The following DLEC1 variants were observed in gnomAD, a reference collection of about 807,000 sequenced individuals.
DLEC1 encodes DLEC1 cilia and flagella associated protein.
A neutral mutation model predicts 198.1 loss-of-function variants in DLEC1; 146 were observed. That is an observed-to-expected ratio of 0.74 (90% confidence interval 0.64 to 0.85). The LOEUF is 0.85. DLEC1 is among the 40% of genes least tolerant of loss of function. The pLI, the probability that DLEC1 is intolerant of heterozygous loss-of-function variation, is 0.00. For missense variants in DLEC1, 2,233 were observed against 2,220.0 expected (o/e 1.01, Z -0.12); for synonymous variants, 897 against 866.8 (o/e 1.03, Z -0.61).
At chr3:38,062,042 G>A in intron 3 of DLEC1, 127 bp from the exon 4 acceptor site, 1 of 875,716 alleles carries the variant, frequency 1.1e-6, no homozygotes, top group Non-Finnish European at 1.8e-6. Flanking sequence ...TAGCTGGTGT[G>A]GTAAATATGA....
In DLEC1 at chr3:38,097,829, G is replaced by C. The variant is rs199518243; in HGVS notation, c.2651G>C (p.Arg884Pro). Residue 884 changes from arginine to proline, a missense_variant, in exon 18 of 37, where the codon CGG becomes CCG. Arg to Pro is a moderately radical substitution (Grantham distance 103). Transcript: ENST00000308059. Reference protein sequence around the residue: ...GQKATNSIQIRNVSQLPATWR... With the variant: ...GQKATNSIQIPNVSQLPATWR... ...AAAGCCACAAACTCCATCCAGATCC[G>C]GAACGTCAGCCAGCTCCCAGCCACA... is the stretch of plus-strand genomic sequence containing the variant. The C allele has an allele frequency of 8.1e-6, 13 of 1,614,076 alleles. No individual in the cohort carries two copies. Among genetic ancestry groups the C allele is most frequent in the Non-Finnish European group, 1.1e-5 (13 of 1,180,050 alleles).
rs185052636 is a variant in DLEC1 at position 38,109,176 on chromosome 3, C to A, written c.3130-256C>A. Among the ~76,000 whole-genome samples, 588 of 152,322 alleles carry A rather than the reference C, an allele frequency of 3.9e-3. 4 individuals are homozygous for A. Among genetic ancestry groups the A allele is most frequent in the African/African-American group, 0.014 (564 of 41,580 alleles). Reference sequence around the variant, plus strand: ...GGAAGTGCGCAGCTTCTCCAGAGGCCCTCTCTGAGGGGTCTCCCTTCACGT... The same window carrying A: ...GGAAGTGCGCAGCTTCTCCAGAGGCACTCTCTGAGGGGTCTCCCTTCACGT... On this transcript the variant is annotated intron_variant, in intron 21 of 36. Coordinates refer to ENST00000308059, the MANE Select transcript of DLEC1 (RefSeq NM_007335.4).
intron 2 of DLEC1, among the ~76,000 whole-genome samples, chr3:38,058,235 A>G (rs546152369): frequency 3.9e-5 from 6 of 152,262 alleles, no homozygotes; most frequent in South Asian, 4.1e-4. Flanking sequence ...AAACACTCCC[A>G]TATCTTCTTG....
chr3:38,045,721 G>T (rs1700858419), intron 2 of DLEC1, 28 bp downstream of exon 2: 2 of 1,581,936 alleles, frequency 1.3e-6, no homozygotes, highest in East Asian at 4.5e-5. Context: ...CCACATGCCT[G>T]CCCAATTCCC....
rs1393682449 is a variant in DLEC1, at chr3:38,122,340, G to T, written c.5196G>T (p.Glu1732Asp). Residue 1732 changes from glutamate (E) to aspartate (D), a missense_variant, in exon 37 of 37, where the codon GAG becomes GAT. Physicochemically the swap from Glu to Asp is conservative, Grantham distance 45. Coordinates refer to ENST00000308059, the MANE Select transcript of DLEC1 (RefSeq NM_007335.4). ...STMVVEGVLG[E>D]KSCTLRLRGQ... is the part of the protein sequence containing the mutation. The stretch of plus-strand genomic sequence containing the variant: ...TGGTGGTGGAAGGTGTGCTCGGTGA[G>T]AAGTCCTGCACCCTGCGGCTCCGGG... 7 of 1,614,126 alleles carry T rather than the reference G, an allele frequency of 4.3e-6. No individual in the cohort carries two copies. In the East Asian group the frequency reaches 1.3e-4, roughly 31 times the overall value.
rs140000347 is a variant in DLEC1 at position 38,096,359 on chromosome 3, G to A, written c.2172-210G>A. Among the ~76,000 whole-genome samples the A allele has an allele frequency of 4.1e-3, 631 of 152,312 alleles. 2 individuals carry two copies. Among genetic ancestry groups the A allele is most frequent in the Non-Finnish European group, 6.2e-3 (423 of 68,026 alleles). On this transcript the variant is annotated intron_variant, in intron 14 of 36. Transcript: ENST00000308059. ...CCTGGAGGCAGCAGGGCAATGCCCCGTCCCAGTCCTTATGCTAAACCACTG... is the reference window on the plus strand; with the variant it reads ...CCTGGAGGCAGCAGGGCAATGCCCCATCCCAGTCCTTATGCTAAACCACTG...
chr3:38,096,468 G>GT (rs1185553750), intron 14 of DLEC1, 101 bp from the exon 15 acceptor site: 38,577 of 1,112,944 alleles, frequency 0.035, no homozygotes, highest in Non-Finnish European at 0.038. Flanking sequence ...GTTAGGCAGT[G>GT]TTTTTTTTTT....
chr3:38,106,882 T>G (rs1420584839), intron 19 of DLEC1, among the ~76,000 whole-genome samples: 2 of 151,966 alleles, frequency 1.3e-5, no homozygotes, highest in Non-Finnish European at 2.9e-5. Context: ...ACAAAATACC[T>G]TCAGCCGTTC....
intron 9 of DLEC1, among the ~76,000 whole-genome samples, chr3:38,087,248 C>G (rs185189112): frequency 1.8e-4 from 27 of 152,104 alleles, no homozygotes; most frequent in African/African-American, 6.3e-4. Flanking sequence ...CAAGAGCATC[C>G]CAGCACTGAC....
Position 38,092,774 on chromosome 3 carries a change from C to T in DLEC1, c.1666-16C>T, listed in dbSNP as rs1698807520. ...CCTTTAATGGGAGGTAACGGAACAA[C>T]CCTTCTCTCCCCCAGGTCTTGTTTT... On this transcript the variant is annotated splice_polypyrimidine_tract_variant and intron_variant, in intron 10 of 36. Coordinates refer to ENST00000308059, the MANE Select transcript of DLEC1 (RefSeq NM_007335.4). 1.2e-6 allele frequency: 2 copies of T among 1,613,058 alleles called. No individual in the cohort carries two copies. Among genetic ancestry groups the T allele is most frequent in the Admixed American group, 1.7e-5 (1 of 59,984 alleles).
intron 6 of DLEC1, among the ~76,000 whole-genome samples, chr3:38,067,042 T>C (rs1697065774): frequency 6.6e-6 from 1 of 152,218 alleles, no homozygotes. Context: ...TCTTCAGGGC[T>C]TTCAGATGCC....
intron 9 of DLEC1, among the ~76,000 whole-genome samples, chr3:38,086,637 G>A (rs1302866148): frequency 6.6e-6 from 1 of 152,190 alleles, no homozygotes; most frequent in Non-Finnish European, 1.5e-5. Flanking sequence ...TGGCTCAAAT[G>A]TGACTGCATT....
intron 9 of DLEC1, 40 bp downstream of exon 9, chr3:38,086,417 C>G: frequency 6.4e-7 from 1 of 1,572,462 alleles, no homozygotes; most frequent in Non-Finnish European, 8.6e-7. Flanking sequence ...AATTACAAGT[C>G]CATCAAAGGA....
At chr3:38,075,907 G>A (rs1416445308) in intron 6 of DLEC1, among the ~76,000 whole-genome samples, 3 of 152,110 alleles carry the variant, frequency 2.0e-5, no homozygotes, top group Admixed American at 2.0e-4. Context: ...CCCTAGAAAA[G>A]CGGGACTTGC....
chr3:38,079,808 G>A (rs978911795), intron 6 of DLEC1, among the ~76,000 whole-genome samples: 14 of 152,314 alleles, frequency 9.2e-5, no homozygotes, highest in African/African-American at 3.1e-4. Context: ...GGAAGTTCTC[G>A]TGTGCTGGAG....
chr3:38,073,523 G>A (rs1369497694), intron 6 of DLEC1, among the ~76,000 whole-genome samples: 1 of 152,116 alleles, frequency 6.6e-6, no homozygotes, highest in Non-Finnish European at 1.5e-5. Context: ...AAGGTGGGGG[G>A]ATACGAGAGG....
chr3:38,122,117 A>G lies in DLEC1; in HGVS notation c.5067A>G (p.Pro1689=). The change falls in exon 36 of 37, where the codon CCA becomes CCG. Residue 1689 remains proline, a synonymous_variant. Coordinates refer to ENST00000308059, the MANE Select transcript of DLEC1 (RefSeq NM_007335.4). ...AKAAVAFRVS[P]NSGLLEARSA... Reference sequence around the variant, plus strand: ...CCGCTGTGGCCTTCAGGGTCTCCCCAAACAGTGGGCTGCTAGAAGCACGAT... The same window carrying G: ...CCGCTGTGGCCTTCAGGGTCTCCCCGAACAGTGGGCTGCTAGAAGCACGAT... 6.2e-7 allele frequency: 1 copy of G among 1,614,118 alleles called. No individual in the cohort carries two copies. The highest frequency in any genetic ancestry group is 8.5e-7 in the Non-Finnish European group (1 of 1,179,976).
intron 2 of DLEC1, among the ~76,000 whole-genome samples, chr3:38,058,000 A>G (rs1204226462): frequency 6.6e-6 from 1 of 151,946 alleles, no homozygotes; most frequent in Non-Finnish European, 1.5e-5. Context: ...TATTTTCAGT[A>G]GAGACGGGGT....
chr3:38,110,091 G>A lies in DLEC1; in HGVS notation c.3261-8G>A. On this transcript the variant is annotated splice_region_variant and splice_polypyrimidine_tract_variant and intron_variant, in intron 22 of 36. Coordinates refer to ENST00000308059, the MANE Select transcript of DLEC1 (RefSeq NM_007335.4). ...ATAGTACCAATGGGCACAGGACAGT[G>A]TTTTCAGCACAGAGCAGTGGCCAGG... 2 of 1,613,552 alleles carry A rather than the reference G, an allele frequency of 1.2e-6. No homozygotes were observed. The highest frequency in any genetic ancestry group is 1.7e-6 in the Non-Finnish European group (2 of 1,180,010).
Sources: gnomAD v4.1 joint callset for allele counts (sites outside exome capture counted in the v4.1 genomes callset) on GRCh38, gnomAD v4.1.1 for gene constraint, MANE v1.5 for transcripts, NCBI Gene and HGNC (gene_info 2026-07-23, HGNC 2026-07-21) for gene names.